The following SPTLC3 variants were observed in gnomAD, a reference collection of about 807,000 sequenced individuals.
SPTLC3 encodes serine palmitoyltransferase 3.
In SPTLC3, 36 loss-of-function variants were observed where a neutral mutation model predicts 59.3. The ratio of observed to expected loss-of-function variants is 0.61; its 90% CI spans 0.47 to 0.80. The LOEUF (loss-of-function observed/expected upper bound fraction) is 0.80. Ranked by LOEUF, SPTLC3 falls within the 30% of genes least tolerant of loss-of-function variation. The pLI is 0.00. For synonymous variants in SPTLC3, 257 were observed against 240.8 expected (o/e 1.07, Z -0.62); for missense variants, 625 against 685.1 (o/e 0.91, Z 0.98).
At chr20:13,011,346 C>T (rs1568562070) in intron 1 of SPTLC3, among the ~76,000 whole-genome samples, 1 of 152,164 alleles carries the variant, frequency 6.6e-6, no homozygotes, top group Non-Finnish European at 1.5e-5. Flanking sequence ...TCCTAGGCTG[C>T]TGGTCTCCCA....
intron 2 of SPTLC3, among the ~76,000 whole-genome samples, chr20:13,069,023 C>T (rs931915134): frequency 2.6e-5 from 4 of 152,152 alleles, no homozygotes; most frequent in Non-Finnish European, 5.9e-5. Context: ...TTCCGACCTT[C>T]TCTTAGGTGG....
At chr20:13,055,356 G>T (rs1309875418) in intron 2 of SPTLC3, among the ~76,000 whole-genome samples, 1 of 151,996 alleles carries the variant, frequency 6.6e-6, no homozygotes, top group Non-Finnish European at 1.5e-5. Flanking sequence ...GGGAAAATGG[G>T]ATTTGAAGGG....
rs1415828317 is a variant in SPTLC3 at position 13,009,848 on chromosome 20, G to A, written c.117+464G>A. Among the ~76,000 whole-genome samples, 3 of 152,142 alleles carry A rather than the reference G, an allele frequency of 2.0e-5. No individual in the cohort carries two copies. The South Asian group carries it at 6.2e-4, about 32-fold the overall frequency. ...AGAAATGCATCACTGTTTGAAAGGCGAGTTATTATTGGTGTGTAGTGGAGC... is the reference window on the plus strand; with the variant it reads ...AGAAATGCATCACTGTTTGAAAGGCAAGTTATTATTGGTGTGTAGTGGAGC... On this transcript the variant is annotated intron_variant, in intron 1 of 11. Transcript: ENST00000399002.
chr20:13,058,803 G>A (rs1328765246), intron 2 of SPTLC3, among the ~76,000 whole-genome samples: 3 of 152,144 alleles, frequency 2.0e-5, no homozygotes, highest in African/African-American at 7.2e-5. Flanking sequence ...GCTAGTCTAA[G>A]ACCACATGTT....
intron 11 of SPTLC3, among the ~76,000 whole-genome samples, chr20:13,161,248 A>G (rs1195193519): frequency 6.6e-6 from 1 of 152,232 alleles, no homozygotes; most frequent in Non-Finnish European, 1.5e-5. Flanking sequence ...CTTAAATGAG[A>G]TAAGGTATAC....
At chr20:13,024,058 T>G (rs1176016234) in intron 1 of SPTLC3, among the ~76,000 whole-genome samples, 1 of 152,132 alleles carries the variant, frequency 6.6e-6, no homozygotes, top group Non-Finnish European at 1.5e-5. Context: ...TTAACAAACT[T>G]TTACATTGCA....
At chr20:13,138,532 C>T (rs896421622) in intron 9 of SPTLC3, among the ~76,000 whole-genome samples, 17 of 152,130 alleles carry the variant, frequency 1.1e-4, no homozygotes, top group Non-Finnish European at 1.5e-4. Flanking sequence ...TTAATTGCAC[C>T]TTAAGCATCA....
intron 10 of SPTLC3, among the ~76,000 whole-genome samples, chr20:13,157,186 C>T (rs911119214): frequency 6.6e-6 from 1 of 151,746 alleles, no homozygotes; most frequent in East Asian, 1.9e-4. Context: ...GCCTGTAATC[C>T]CAACACTTTA....
chr20:13,090,329 T>A (rs1989169708), intron 4 of SPTLC3, among the ~76,000 whole-genome samples: 1 of 152,198 alleles, frequency 6.6e-6, no homozygotes, highest in Admixed American at 6.5e-5. Context: ...GCTTCTAAGA[T>A]TAAATGAGAG....
rs578217164 is a variant in SPTLC3, at chr20:13,151,840, A to G, written c.1280-2163A>G. 4.0e-4 allele frequency among the ~76,000 whole-genome samples: 61 copies of G among 152,166 alleles called. 1 individual carries two copies. The highest frequency in any genetic ancestry group is 7.2e-4 in the Non-Finnish European group (49 of 68,018). On this transcript the variant is annotated intron_variant, in intron 9 of 11. Transcript: ENST00000399002. ...CCTGGTTCACCTTCACTCCTTGGAC[A>G]CAGCCCTTCAGGACCTCTACCTAAA...
At position 13,053,970 on chromosome 20, in the gene SPTLC3, G is replaced by A. The variant is rs538709525; in HGVS notation, c.303+4840G>A. 8.5e-5 allele frequency among the ~76,000 whole-genome samples: 13 copies of A among 152,278 alleles called. No individual in the cohort carries two copies. In the South Asian group the frequency reaches 2.7e-3, roughly 32 times the overall value. On this transcript the variant is annotated intron_variant, in intron 2 of 11. Coordinates refer to ENST00000399002, the MANE Select transcript of SPTLC3 (RefSeq NM_018327.4). ...AACCAAGTTGGAAAACACTCTTCAG[G>A]ATATTATCCAGGAGAAAAATGTTTA...
In SPTLC3 at chr20:13,077,119, A is replaced by G. The variant is rs569031139; in HGVS notation, c.607+2622A>G. ...TACATTCCACATAAATGAAGCAGCA[A>G]AGAACAAAAAAATGATATGGTAATA... On this transcript the variant is annotated intron_variant, in intron 4 of 11. Transcript: ENST00000399002. Among the ~76,000 whole-genome samples the G allele has an allele frequency of 5.9e-5, 9 of 152,286 alleles. No homozygotes were observed. The South Asian group carries it at 8.3e-4, about 14-fold the overall frequency.
Position 13,061,912 on chromosome 20 carries a change from T to C in SPTLC3, c.304-10344T>C, listed in dbSNP as rs540067285. On this transcript the variant is annotated intron_variant, in intron 2 of 11. Transcript: ENST00000399002. ...TGTCTGGCCAGAACCCTTTAACATC[T>C]TCCCATCTCCTTCCAAGCAGAGCTG... Among the ~76,000 whole-genome samples, 10 of 152,216 alleles carry C rather than the reference T, an allele frequency of 6.6e-5. No homozygotes were observed. In the South Asian group the frequency reaches 1.7e-3, roughly 25 times the overall value.
chr20:13,155,687 G>A (rs1453206362), intron 10 of SPTLC3, among the ~76,000 whole-genome samples: 3 of 151,650 alleles, frequency 2.0e-5, no homozygotes, highest in South Asian at 2.1e-4. Flanking sequence ...CTAGCCGGGC[G>A]TGGTGGTGGG....
At chr20:13,119,993 A>G (rs981977157) in intron 8 of SPTLC3, among the ~76,000 whole-genome samples, 5 of 152,170 alleles carry the variant, frequency 3.3e-5, no homozygotes, top group African/African-American at 1.2e-4. Context: ...GTTCCTTTGT[A>G]CCTTTAATTC....
At chr20:13,009,609 C>T (rs977915800) in intron 1 of SPTLC3, among the ~76,000 whole-genome samples, 3 of 152,194 alleles carry the variant, frequency 2.0e-5, no homozygotes, top group Non-Finnish European at 4.4e-5. Flanking sequence ...CACAGACTCA[C>T]ACAGCTTCAG....
At chr20:13,089,604 G>A (rs1396837946) in intron 4 of SPTLC3, among the ~76,000 whole-genome samples, 1 of 151,966 alleles carries the variant, frequency 6.6e-6, no homozygotes, top group East Asian at 1.9e-4. Context: ...TGCGCAACAA[G>A]GTGAAACCTC....
intron 10 of SPTLC3, among the ~76,000 whole-genome samples, chr20:13,157,483 G>A (rs560049509): frequency 1.1e-3 from 174 of 152,204 alleles, no homozygotes; most frequent in Non-Finnish European, 2.0e-3. Context: ...GTAGGCAGCA[G>A]AGCCCAGAAT....
chr20:13,100,768 A>G (rs1261940561), intron 6 of SPTLC3, among the ~76,000 whole-genome samples: 1 of 152,188 alleles, frequency 6.6e-6, no homozygotes, highest in East Asian at 1.9e-4. Flanking sequence ...TCTTTTCATT[A>G]TCCTCATTTT....
Sources: allele counts gnomAD v4.1 joint callset (sites outside exome capture counted in the v4.1 genomes callset), GRCh38; gene constraint gnomAD v4.1.1; transcripts MANE v1.5; gene names NCBI Gene and HGNC (gene_info 2026-07-23, HGNC 2026-07-21).